CNTLN: variants seen among roughly 807,000 people sequenced by gnomAD.
CNTLN encodes centlein, centrosomal protein.
In CNTLN, 212 loss-of-function variants were observed where a neutral mutation model predicts 180.0. That is an observed-to-expected ratio of 1.18 (90% CI 1.05 to 1.32). The LOEUF (loss-of-function observed/expected upper bound fraction) is 1.32, where lower values mean the gene tolerates loss of function less well. Ranked by LOEUF, CNTLN falls within the 40% of genes most tolerant of loss-of-function variation. The pLI is 0.00. For missense variants in CNTLN, 2,095 were observed against 1,610.9 expected, an observed-to-expected ratio of 1.30 and a Z score of -5.14; for synonymous variants, 722 against 563.1, an observed-to-expected ratio of 1.28 and a Z score of -3.99.
intron 18 of CNTLN, among the ~76,000 whole-genome samples, chr9:17,430,606 A>G (rs1025515678): frequency 6.6e-6 from 1 of 151,990 alleles, no homozygotes; most frequent in Non-Finnish European, 1.5e-5. Flanking sequence ...AATTATTGCT[A>G]ACTGTAGTTG....
chr9:17,247,062 C>T (rs1320596191), intron 5 of CNTLN, among the ~76,000 whole-genome samples: 4 of 152,290 alleles, frequency 2.6e-5, no homozygotes, highest in African/African-American at 4.8e-5. Context: ...GTACGAGTCT[C>T]TCCTGGAGCT....
chr9:17,334,247 A>G (rs185007359), intron 10 of CNTLN, among the ~76,000 whole-genome samples: 1 of 152,072 alleles, frequency 6.6e-6, no homozygotes, highest in South Asian at 2.1e-4. Flanking sequence ...TTTAGCAGAG[A>G]TGGAGTTTTA....
chr9:17,250,140 C>A (rs765369526), intron 5 of CNTLN, among the ~76,000 whole-genome samples: 18 of 151,750 alleles, frequency 1.2e-4, no homozygotes, highest in Middle Eastern at 6.8e-3. Flanking sequence ...GTAACCATTT[C>A]TGCCTTAAAG....
intron 7 of CNTLN, among the ~76,000 whole-genome samples, chr9:17,303,385 C>T (rs1759453): frequency 0.2 from 30,335 of 152,028 alleles, 3,737 homozygotes; most frequent in African/African-American, 0.34. Flanking sequence ...TTTCATTGCT[C>T]TCTTTTTGGT....
intron 13 of CNTLN, among the ~76,000 whole-genome samples, chr9:17,380,317 G>A (rs1051673020): frequency 3.3e-5 from 5 of 152,168 alleles, no homozygotes; most frequent in African/African-American, 1.2e-4. Flanking sequence ...GTATCTTCAA[G>A]TTTACTGCCT....
chr9:17,138,539 A>C (rs1817872596), intron 1 of CNTLN, among the ~76,000 whole-genome samples: 1 of 152,244 alleles, frequency 6.6e-6, no homozygotes, highest in Non-Finnish European at 1.5e-5. Context: ...TTATTCACAA[A>C]GAAAAACAAA....
intron 5 of CNTLN, among the ~76,000 whole-genome samples, chr9:17,272,540 A>G (rs1828025195): frequency 6.6e-6 from 1 of 152,112 alleles, no homozygotes; most frequent in Non-Finnish European, 1.5e-5. Flanking sequence ...TTGGTACCTC[A>G]GTCTGGAGCT....
intron 13 of CNTLN, among the ~76,000 whole-genome samples, chr9:17,377,030 T>A (rs1824832901): frequency 6.6e-6 from 1 of 152,184 alleles, no homozygotes; most frequent in Admixed American, 6.5e-5. Context: ...AACTTTTTTG[T>A]AAAAGTTTTT....
At chr9:17,300,529 A>T (rs1347140044) in intron 7 of CNTLN, 2 of 152,170 alleles carry the variant, frequency 1.3e-5, no homozygotes, top group African/African-American at 4.8e-5. Context: ...TGCTGTCACC[A>T]TTCTGTCCAG....
chr9:17,522,823 T>G, the CNTLN span, among the ~76,000 whole-genome samples: 3 of 152,206 alleles, frequency 2.0e-5, no homozygotes, highest in Non-Finnish European at 2.9e-5. Context: ...CTGCCCACCT[T>G]GATTTTCCAT....
At chr9:17,202,301 G>A (rs1822585775) in intron 2 of CNTLN, among the ~76,000 whole-genome samples, 1 of 152,184 alleles carries the variant, frequency 6.6e-6, no homozygotes, top group South Asian at 2.1e-4. Flanking sequence ...TGAGAAGAAT[G>A]TATATTCTGT....
intron 1 of CNTLN, among the ~76,000 whole-genome samples, chr9:17,137,912 A>G (rs866464142): frequency 6.6e-6 from 1 of 152,224 alleles, no homozygotes; most frequent in Non-Finnish European, 1.5e-5. Flanking sequence ...AACTTTAAAA[A>G]AATATGGCCC....
intron 3 of CNTLN, among the ~76,000 whole-genome samples, chr9:17,227,782 GTCATAA>G: frequency 6.6e-6 from 1 of 152,002 alleles, no homozygotes; most frequent in South Asian, 2.1e-4. Flanking sequence ...TATAGAAAAT[GTCATAA>G]TTGGTACTAT....
At chr9:17,221,222 T>C (rs1460520434) in intron 2 of CNTLN, among the ~76,000 whole-genome samples, 1 of 152,088 alleles carries the variant, frequency 6.6e-6, no homozygotes, top group Non-Finnish European at 1.5e-5. Flanking sequence ...TTTGAGATAA[T>C]ATATTAGTGA....
intron 6 of CNTLN, among the ~76,000 whole-genome samples, chr9:17,291,839 C>G (rs1019045708): frequency 1.3e-5 from 2 of 152,100 alleles, no homozygotes; most frequent in Admixed American, 1.3e-4. Flanking sequence ...TGAATTTGAT[C>G]CTGTTATGAT....
intron 23 of CNTLN, among the ~76,000 whole-genome samples, chr9:17,481,368 G>A (rs756597757): frequency 3.3e-5 from 5 of 152,292 alleles, no homozygotes; most frequent in Non-Finnish European, 5.9e-5. Flanking sequence ...GAGCTCAAGC[G>A]CAGAGCACAT....
intron 6 of CNTLN, among the ~76,000 whole-genome samples, chr9:17,294,334 C>T (rs527375585): frequency 1.6e-4 from 25 of 151,998 alleles, no homozygotes; most frequent in African/African-American, 4.6e-4. Flanking sequence ...TACAGAGAGC[C>T]GATTGGTTTT....
At chr9:17,207,114 G>C (rs911884489) in intron 2 of CNTLN, among the ~76,000 whole-genome samples, 2 of 152,276 alleles carry the variant, frequency 1.3e-5, no homozygotes, top group East Asian at 3.9e-4. Context: ...CCAGTCTGAT[G>C]GTGAATCCTC....
At chr9:17,442,662 G>C (rs771111343) in intron 18 of CNTLN, among the ~76,000 whole-genome samples, 4 of 152,176 alleles carry the variant, frequency 2.6e-5, no homozygotes, top group Non-Finnish European at 4.4e-5. Flanking sequence ...GCCTCTTAAA[G>C]TGCTGGGATT....
Sources: allele counts gnomAD v4.1 joint callset (sites outside exome capture counted in the v4.1 genomes callset), GRCh38; gene constraint gnomAD v4.1.1; transcripts MANE v1.5; gene names NCBI Gene and HGNC (gene_info 2026-07-23, HGNC 2026-07-21).